Variants in FANCM observed in about 807,000 individuals in gnomAD.
The protein encoded by FANCM is Fanconi anemia group M protein.
Under a neutral mutation model 199.5 loss-of-function variants are expected in FANCM, and 140 were observed. The observed-to-expected ratio is 0.70, with a 90% CI of 0.61 to 0.81. The LOEUF (loss-of-function observed/expected upper bound fraction) is 0.81. Ranked by LOEUF, FANCM falls within the 30% of genes least tolerant of loss-of-function variation. The pLI is 0.00. For synonymous variants in FANCM, 840 were observed against 836.8 expected (o/e 1.00, Z -0.07); for missense variants, 2,410 against 2,421.4 (o/e 1.00, Z 0.10).
At chr14:45,195,668 A>C (rs1890016396) in intron 20 of FANCM, 1 of 379,518 alleles carries the variant, frequency 2.6e-6, no homozygotes, top group Non-Finnish European at 5.3e-6. Context: ...TTCTGGTCAG[A>C]CCAGTTATGT....
chr14:45,176,858 A>G lies in FANCM; in HGVS notation c.4104A>G (p.Val1368=). Residue 1368 remains valine (V), a synonymous_variant, in exon 14 of 23, where the codon GTA becomes GTG. Coordinates refer to ENST00000267430, the MANE Select transcript of FANCM (RefSeq NM_020937.4). The part of the protein sequence containing the change: ...LKTPDSSKEK[V]NLQRFKEALN... ...CACCAGATTCTAGTAAGGAAAAAGT[A>G]AACCTACAAAGATTCAAAGAAGCAT... 6.2e-7 allele frequency: 1 copy of G among 1,607,188 alleles called. No homozygotes were observed. Among genetic ancestry groups the G allele is most frequent in the Non-Finnish European group, 8.5e-7 (1 of 1,175,704 alleles).
chr14:45,178,385 G>T (rs1888848305), intron 14 of FANCM, among the ~76,000 whole-genome samples: 1 of 152,036 alleles, frequency 6.6e-6, no homozygotes, highest in African/African-American at 2.4e-5. Flanking sequence ...CGTCAGATTT[G>T]CACAAAAACA....
chr14:45,163,203 T>C (rs1301318193), intron 9 of FANCM, among the ~76,000 whole-genome samples: 1 of 152,216 alleles, frequency 6.6e-6, no homozygotes, highest in African/African-American at 2.4e-5. Flanking sequence ...AGTGAGACAT[T>C]AGGCAAATAG....
Position 45,176,746 on chromosome 14 carries a change from CAGT to C in FANCM, c.3993_3995del (p.Val1332del). The C allele has an allele frequency of 6.2e-7, 1 of 1,610,464 alleles. No homozygotes were observed. Among genetic ancestry groups the C allele is most frequent in the Admixed American group, 1.7e-5 (1 of 59,454 alleles). On this transcript the variant is annotated inframe_deletion, in exon 14 of 23. Coordinates refer to ENST00000267430, the MANE Select transcript of FANCM (RefSeq NM_020937.4). Reference sequence around the variant, plus strand: ...CCTGGTTATTCTCAGTTTTCTTTACCAGTGCAAAAAAAAGTTATGAGTACACCA... The same window carrying C: ...CCTGGTTATTCTCAGTTTTCTTTACCGCAAAAAAAAGTTATGAGTACACCA...
At position 45,148,957 on chromosome 14, in the gene FANCM, G is replaced by A; in HGVS notation, c.880G>A (p.Gly294Ser). Residue 294 changes from glycine to serine, a missense_variant, in exon 4 of 23, where the codon GGT becomes AGT. Transcript: ENST00000267430. The part of the protein sequence containing the change: ...RKVEKLIVPL[G>S]EELAAIQKTY... ...AGTTGAAAAGCTTATTGTTCCGCTT[G>A]GTGAAGAACTTGCAGCCATCCAAAA... 6.2e-7 allele frequency: 1 copy of A among 1,613,696 alleles called. No homozygotes were observed. The highest frequency in any genetic ancestry group is 1.1e-5 in the South Asian group (1 of 91,068).
At chr14:45,163,433 A>G (rs1416456627) in intron 9 of FANCM, among the ~76,000 whole-genome samples, 1 of 152,188 alleles carries the variant, frequency 6.6e-6, no homozygotes, top group Non-Finnish European at 1.5e-5. Flanking sequence ...ACTGTACACA[A>G]ACTCACAATG....
chr14:45,183,896 C>T lies in FANCM; in HGVS notation c.4509C>T (p.His1503=), dbSNP rs2139278586. 1 of 1,609,302 alleles carries T rather than the reference C, an allele frequency of 6.2e-7. No individual in the cohort carries two copies. Among genetic ancestry groups the T allele is most frequent in the Non-Finnish European group, 8.5e-7 (1 of 1,176,428 alleles). Residue 1503 remains histidine (H), a synonymous_variant, in exon 17 of 23, where the codon CAC becomes CAT. Coordinates refer to ENST00000267430, the MANE Select transcript of FANCM (RefSeq NM_020937.4). The part of the protein sequence containing the change: ...RGIKVPKRQS[H]LKHVARKFLD... Reference sequence around the variant, plus strand: ...TCAAAGTCCCAAAGAGACAGAGTCACTTAAAGGTAATCTTTTTTTTAGTTT... The same window carrying T: ...TCAAAGTCCCAAAGAGACAGAGTCATTTAAAGGTAATCTTTTTTTTAGTTT...
chr14:45,148,693 T>A (rs1594766513), intron 3 of FANCM, 144 bp from the exon 4 acceptor site: 1 of 627,170 alleles, frequency 1.6e-6, no homozygotes, highest in African/African-American at 1.8e-5. Flanking sequence ...TTTTATAGGC[T>A]TATCTTCTTT....
Position 45,199,999 on chromosome 14 carries a change from T to G in FANCM, c.6138T>G (p.Ser2046=), listed in dbSNP as rs746677351. The G allele has an allele frequency of 1.4e-5, 23 of 1,607,488 alleles. No homozygotes were observed. The highest frequency in any genetic ancestry group is 1.4e-5 in the Non-Finnish European group (17 of 1,175,288). The change falls in exon 23 of 23, where the codon TCT becomes TCG. Residue 2046 remains serine, a synonymous_variant. Coordinates refer to ENST00000267430, the MANE Select transcript of FANCM (RefSeq NM_020937.4). ...PNDLNQDRLK[S]DI ...ATCTTAACCAAGATAGACTGAAATC[T>G]GATATATAATCAAGCTGCTCAAGAT...
At position 45,200,006 on chromosome 14, in the gene FANCM, TA is replaced by T; in HGVS notation, c.6147del (p.Ter2049TyrfsTer16). 1 of 1,606,000 alleles carries T rather than the reference TA, an allele frequency of 6.2e-7. No individual in the cohort carries two copies. The highest frequency in any genetic ancestry group is 8.5e-7 in the Non-Finnish European group (1 of 1,174,192). On this transcript the variant is annotated frameshift_variant and stop_lost, in exon 23 of 23. Transcript: ENST00000267430. LOFTEE classifies it high-confidence loss of function. ...LNQDRLKSDI[*>X] ...CCAAGATAGACTGAAATCTGATATA[TA>T]ATCAAGCTGCTCAAGATGGGGTTTT...
Position 45,170,823 on chromosome 14 carries a change from A to C in FANCM, c.2160+77A>C, listed in dbSNP as rs553924019. ...CAGAACCCCTCAGATGTTCTTTATA[A>C]TGATCAAGCAATAGCTTTGGGAATA... On this transcript the variant is annotated intron_variant, in intron 12 of 22. Transcript: ENST00000267430. 1.8e-4 allele frequency: 210 copies of C among 1,183,708 alleles called. No individual in the cohort carries two copies. The East Asian group carries it at 5.0e-3, about 28-fold the overall frequency. 73.3% of individuals were successfully genotyped at this position (1,183,708 alleles called of 1,614,324 possible). A position where few individuals can be genotyped will look rare whatever the true frequency, so the allele number is the denominator to read the frequency against.
chr14:45,152,814 A>G (rs536079119), intron 5 of FANCM, among the ~76,000 whole-genome samples: 1 of 152,236 alleles, frequency 6.6e-6, no homozygotes, highest in Non-Finnish European at 1.5e-5. Context: ...TAACTATTAT[A>G]CCACGAAATG....
intron 3 of FANCM, among the ~76,000 whole-genome samples, chr14:45,146,598 A>G (rs550900236): frequency 4.7e-4 from 72 of 152,098 alleles, no homozygotes; most frequent in African/African-American, 1.6e-3. Flanking sequence ...TGGGAGGCCG[A>G]GGCGGGTGGA....
intron 20 of FANCM, among the ~76,000 whole-genome samples, chr14:45,194,849 T>A (rs1326228717): frequency 6.6e-6 from 1 of 151,440 alleles, no homozygotes; most frequent in Non-Finnish European, 1.5e-5. Flanking sequence ...CCTCGCTCCG[T>A]AGCCCAGGCT....
At chr14:45,147,458 T>C (rs758437686) in intron 3 of FANCM, among the ~76,000 whole-genome samples, 5 of 152,076 alleles carry the variant, frequency 3.3e-5, no homozygotes, top group Non-Finnish European at 5.9e-5. Flanking sequence ...AATTGTCATT[T>C]TTTTTGTAGA....
chr14:45,140,599 C>A, intron 2 of FANCM, 33 bp from the exon 3 acceptor site: 2 of 1,148,814 alleles, frequency 1.7e-6, no homozygotes, highest in Non-Finnish European at 2.6e-6. Flanking sequence ...TTGCATTGAA[C>A]AGATGAAACT....
intron 20 of FANCM, 32 bp downstream of exon 20, chr14:45,189,394 G>A (rs1315308193): frequency 6.8e-7 from 1 of 1,481,062 alleles, no homozygotes; most frequent in African/African-American, 1.4e-5. Context: ...AATATCTTTA[G>A]ATGGTTACCA....
rs1886624687 is a variant in FANCM at position 45,148,938 on chromosome 14, A to C, written c.861A>C (p.Glu287Asp). 6.8e-6 allele frequency: 11 copies of C among 1,613,882 alleles called. No individual in the cohort carries two copies. Among genetic ancestry groups the C allele is most frequent in the Non-Finnish European group, 9.3e-6 (11 of 1,179,858 alleles). The stretch of plus-strand genomic sequence containing the variant: ...CATATTCTCATGAAAGAAAAGTTGA[A>C]AAGCTTATTGTTCCGCTTGGTGAAG... ...ILTYSHERKVEKLIVPLGEEL... is the reference protein window; with the variant it reads ...ILTYSHERKVDKLIVPLGEEL... Residue 287 changes from glutamate to aspartate, a missense_variant, in exon 4 of 23, where the codon GAA becomes GAC. By Grantham distance (45) the Glu-to-Asp change is conservative. Coordinates refer to ENST00000267430, the MANE Select transcript of FANCM (RefSeq NM_020937.4).
chr14:45,190,313 T>G (rs1889685082), intron 20 of FANCM, among the ~76,000 whole-genome samples: 1 of 152,182 alleles, frequency 6.6e-6, no homozygotes, highest in Non-Finnish European at 1.5e-5. Context: ...GAAAATAGAC[T>G]TACTAAAAAA....
Sources: gnomAD v4.1 joint callset for allele counts (sites outside exome capture counted in the v4.1 genomes callset) on GRCh38, gnomAD v4.1.1 for gene constraint, MANE v1.5 for transcripts, NCBI Gene and HGNC (gene_info 2026-07-23, HGNC 2026-07-21) for gene names.